STAC2: variants seen among roughly 807,000 people sequenced by gnomAD.
STAC2 encodes the protein SH3 and cysteine rich domain 2.
Under a neutral mutation model 49.0 loss-of-function variants are expected in STAC2, and 36 were observed. The ratio of observed to expected loss-of-function variants is 0.74; its 90% CI spans 0.56 to 0.97. The LOEUF is 0.97. Ranked by LOEUF, STAC2 falls within the 50% of genes least tolerant of loss-of-function variation. The pLI is 0.00. For synonymous variants in STAC2, 239 were observed against 214.7 expected (o/e 1.11, Z -0.99); for missense variants, 527 against 543.8 (o/e 0.97, Z 0.31).
At chr17:39,221,685 A>C (rs1362518521) in intron 1 of STAC2, among the ~76,000 whole-genome samples, 1 of 152,144 alleles carries the variant, frequency 6.6e-6, no homozygotes, top group Non-Finnish European at 1.5e-5. Context: ...AGCCCAAAGC[A>C]CCAGGAGCAT....
rs1459093252 is a variant in STAC2, at chr17:39,211,708, C to G, written c.*584G>C. 1.3e-5 allele frequency: 2 copies of G among 152,774 alleles called. No individual in the cohort carries two copies. Among genetic ancestry groups the G allele is most frequent in the Non-Finnish European group, 2.9e-5 (2 of 68,074 alleles). 9.5% of individuals were successfully genotyped at this position (152,774 alleles called of 1,614,324 possible). On this transcript the variant is annotated 3_prime_UTR_variant, in exon 11 of 11. Coordinates refer to ENST00000333461, the MANE Select transcript of STAC2 (RefSeq NM_198993.5). ...ACGGGAGAGATTCCTGCAAAACTTT[C>G]CTGAGAATTGACGGAATGACAGAGG...
chr17:39,225,103 G>T lies in STAC2; in HGVS notation c.90+310C>A, dbSNP rs1382975629. On this transcript the variant is annotated intron_variant, in intron 1 of 10. Coordinates refer to ENST00000333461, the MANE Select transcript of STAC2 (RefSeq NM_198993.5). The surrounding 1 kb of genome is among the most constrained non-coding windows in gnomAD (Gnocchi z 8.2). ...GTGCGCCTCGCACGCACAGCCGGGC[G>T]CGTACCCCGCCCGCACCGCTCCACG... is the stretch of plus-strand genomic sequence containing the variant. 6.6e-6 allele frequency among the ~76,000 whole-genome samples: 1 copy of T among 152,072 alleles called. No individual in the cohort carries two copies. The highest frequency in any genetic ancestry group is 2.4e-5 in the African/African-American group (1 of 41,422).
chr17:39,212,530 G>T, intron 10 of STAC2, 134 bp from the exon 11 acceptor site: 1 of 659,870 alleles, frequency 1.5e-6, no homozygotes, highest in Non-Finnish European at 2.6e-6. Flanking sequence ...GCCCTTTGCT[G>T]GAGTGATGGG....
chr17:39,215,290 G>A lies in STAC2; in HGVS notation c.587-60C>T, dbSNP rs559240432. 6.4e-5 allele frequency: 100 copies of A among 1,559,822 alleles called. 1 individual carries two copies. The highest frequency in any genetic ancestry group is 4.0e-4 in the South Asian group (36 of 89,608). On this transcript the variant is annotated intron_variant, in intron 4 of 10. Coordinates refer to ENST00000333461, the MANE Select transcript of STAC2 (RefSeq NM_198993.5). ...CTCAAAGCCCTGCATCTCTAGTCCC[G>A]GCTCAGCATGCCCCAGGCTGAGCTT...
chr17:39,213,145 T>C lies in STAC2; in HGVS notation c.994-13A>G. 1 of 1,604,372 alleles carries C rather than the reference T, an allele frequency of 6.2e-7. No homozygotes were observed. Among genetic ancestry groups the C allele is most frequent in the African/African-American group, 1.3e-5 (1 of 75,004 alleles). On this transcript the variant is annotated splice_polypyrimidine_tract_variant and intron_variant, in intron 9 of 10. Coordinates refer to ENST00000333461, the MANE Select transcript of STAC2 (RefSeq NM_198993.5). ...CGCCGATCTTGCCCTGGGGATGAGG[T>C]TGGCAATGAACACCCGCGCCACACC... is the stretch of plus-strand genomic sequence containing the variant.
In STAC2 at chr17:39,212,329, C is replaced by T. The variant is rs141617390; in HGVS notation, c.1199G>A (p.Arg400Gln). 40 of 1,612,160 alleles carry T rather than the reference C, an allele frequency of 2.5e-5. No individual in the cohort carries two copies. Among genetic ancestry groups the T allele is most frequent in the Non-Finnish European group, 3.1e-5 (37 of 1,179,186 alleles). The change falls in exon 11 of 11, where the codon CGG (arginine) becomes CAG (glutamine). Residue 400 changes from arginine (R) to glutamine (Q), a missense_variant. Physicochemically the swap from Arg to Gln is conservative, Grantham distance 43. Coordinates refer to ENST00000333461, the MANE Select transcript of STAC2 (RefSeq NM_198993.5). ...GFIRVSSGKK[R>Q]GLVPVDALTE... ...CAGGGCGTCGACTGGCACCAGGCCC[C>T]GCTTCTTGCCACTGCTGACGCGGAT...
intron 1 of STAC2, among the ~76,000 whole-genome samples, chr17:39,223,115 G>A (rs1230245771): frequency 6.6e-6 from 1 of 152,200 alleles, no homozygotes; most frequent in African/African-American, 2.4e-5. Context: ...TTCCCAGGGG[G>A]CACCAACACT....
Position 39,213,117 on chromosome 17 carries a change from G to T in STAC2, c.1009C>A (p.Arg337=). 6.2e-7 allele frequency: 1 copy of T among 1,609,188 alleles called. No individual in the cohort carries two copies. ...EDWWKGKIGD[R]VGFFPANFVQ... is the part of the protein sequence containing the mutation. ...AAATTAGCTGGGAAGAAGCCAACCC[G>T]GTCGCCGATCTTGCCCTGGGGATGA... is the stretch of plus-strand genomic sequence containing the variant. The change falls in exon 10 of 11, where the codon CGG becomes AGG. Residue 337 remains arginine, a synonymous_variant. Transcript: ENST00000333461.
chr17:39,212,525 T>C, intron 10 of STAC2, 129 bp from the exon 11 acceptor site: 1 of 676,072 alleles, frequency 1.5e-6, no homozygotes, highest in South Asian at 1.8e-5. Flanking sequence ...ATGGAGCCCT[T>C]TGCTGGAGTG....
chr17:39,217,022 T>A (rs967764738), intron 3 of STAC2, 54 bp downstream of exon 3: 2 of 1,609,364 alleles, frequency 1.2e-6, no homozygotes, highest in Non-Finnish European at 1.7e-6. Flanking sequence ...CATTCTCCCA[T>A]GTGACAGTAC....
At position 39,212,338 on chromosome 17, in the gene STAC2, C is replaced by T. The variant is rs1183414488; in HGVS notation, c.1190G>A (p.Gly397Asp). 4 of 1,612,242 alleles carry T rather than the reference C, an allele frequency of 2.5e-6. No homozygotes were observed. Among genetic ancestry groups the T allele is most frequent in the Non-Finnish European group, 3.4e-6 (4 of 1,179,222 alleles). Reference sequence around the variant, plus strand: ...GACTGGCACCAGGCCCCGCTTCTTGCCACTGCTGACGCGGATGAAGCCGTC... The same window carrying T: ...GACTGGCACCAGGCCCCGCTTCTTGTCACTGCTGACGCGGATGAAGCCGTC... ...DADGFIRVSS[G>D]KKRGLVPVDA... The change falls in exon 11 of 11, where the codon GGC becomes GAC. Residue 397 changes from glycine (G) to aspartate (D), a missense_variant. Coordinates refer to ENST00000333461, the MANE Select transcript of STAC2 (RefSeq NM_198993.5).
rs371416496 is a variant in STAC2, at chr17:39,213,526, G to A, written c.974C>T (p.Ser325Phe). 2.5e-6 allele frequency: 4 copies of A among 1,613,742 alleles called. No individual in the cohort carries two copies. Among genetic ancestry groups the A allele is most frequent in the Non-Finnish European group, 3.4e-6 (4 of 1,179,856 alleles). Residue 325 changes from serine (S) to phenylalanine (F), a missense_variant, in exon 9 of 11, where the codon TCT becomes TTT. Physicochemically the swap from Ser to Phe is radical, Grantham distance 155. Coordinates refer to ENST00000333461, the MANE Select transcript of STAC2 (RefSeq NM_198993.5). ...PGDRIMLVDD[S>F]NEDWWKGKIG... ...AGTCACCTTCCACCAGTCCTCGTTA[G>A]AGTCATCCACCAGCATGATCCGATC...
At chr17:39,213,238 C>A in intron 9 of STAC2, 106 bp from the exon 10 acceptor site, 1 of 1,540,624 alleles carries the variant, frequency 6.5e-7, no homozygotes, top group Non-Finnish European at 8.7e-7. Context: ...CCATCATCCT[C>A]CAGATCTAGG....
intron 10 of STAC2, 77 bp from the exon 11 acceptor site, chr17:39,212,473 G>A (rs2046363394): frequency 8.6e-7 from 1 of 1,165,978 alleles, no homozygotes; most frequent in African/African-American, 1.5e-5. Flanking sequence ...TGGCCCCCAG[G>A]GGACCCACCC....
chr17:39,216,874 A>G lies in STAC2; in HGVS notation c.522T>C (p.Ser174=), dbSNP rs748113557. Residue 174 remains serine (S), a synonymous_variant, in exon 4 of 11, where the codon AGT becomes AGC. Coordinates refer to ENST00000333461, the MANE Select transcript of STAC2 (RefSeq NM_198993.5). ...KTSTSFRRNF[S]SPLLVHEPPP... ...GCGGCTCATGCACCAGGAGAGGGGAACTGAAGTTGCGGCGGAAGGAGGTGG... is the reference window on the plus strand; with the variant it reads ...GCGGCTCATGCACCAGGAGAGGGGAGCTGAAGTTGCGGCGGAAGGAGGTGG... 2 of 1,604,824 alleles carry G rather than the reference A, an allele frequency of 1.2e-6. No homozygotes were observed. The highest frequency in any genetic ancestry group is 2.2e-5 in the East Asian group (1 of 44,616).
chr17:39,218,344 G>T (rs944714786), intron 1 of STAC2, among the ~76,000 whole-genome samples, 171 bp from the exon 2 acceptor site: 1 of 151,614 alleles, frequency 6.6e-6, no homozygotes, highest in Non-Finnish European at 1.5e-5. Flanking sequence ...CCCAGGTCCC[G>T]ACGACACTTC....
At chr17:39,221,784 G>A (rs2046465397) in intron 1 of STAC2, among the ~76,000 whole-genome samples, 1 of 149,088 alleles carries the variant, frequency 6.7e-6, no homozygotes, top group Non-Finnish European at 1.5e-5. Flanking sequence ...GCTGGGCCCT[G>A]CCTGGGCCAT....
chr17:39,221,979 G>C (rs561829678), intron 1 of STAC2, among the ~76,000 whole-genome samples: 1 of 152,328 alleles, frequency 6.6e-6, no homozygotes, highest in African/African-American at 2.4e-5. Context: ...AGTCTCTTGG[G>C]ACAGTCATTC....
At position 39,225,877 on chromosome 17, in the gene STAC2, T is replaced by G; in HGVS notation, c.-375A>C. 1 of 190,502 alleles carries G rather than the reference T, an allele frequency of 5.2e-6. No homozygotes were observed. 11.8% of individuals were successfully genotyped at this position (190,502 alleles called of 1,614,324 possible). On this transcript the variant is annotated 5_prime_UTR_variant, in exon 1 of 11. Transcript: ENST00000333461. The surrounding 1 kb of genome is among the most constrained non-coding windows in gnomAD (Gnocchi z 8.2). ...TCCGCTGCGCCCGCCCCCCATCCCCTCCCCTCCCCCGCCGGCCCCAGCCCG... is the reference window on the plus strand; with the variant it reads ...TCCGCTGCGCCCGCCCCCCATCCCCGCCCCTCCCCCGCCGGCCCCAGCCCG...
Sources: allele counts gnomAD v4.1 joint callset (sites outside exome capture counted in the v4.1 genomes callset), GRCh38; gene constraint gnomAD v4.1.1; non-coding constraint Gnocchi (gnomAD v3.1); transcripts MANE v1.5; gene names NCBI Gene and HGNC (gene_info 2026-07-23, HGNC 2026-07-21).